PTPRD: variants seen among roughly 807,000 people sequenced by gnomAD.
The protein encoded by PTPRD is receptor-type tyrosine-protein phosphatase delta.
In PTPRD, 34 loss-of-function variants were observed where a neutral mutation model predicts 214.5. That is an observed-to-expected ratio of 0.16 (90% CI 0.12 to 0.21). The LOEUF is 0.21. Ranked by LOEUF, PTPRD falls within the 10% of genes least tolerant of loss-of-function variation. PTPRD has a pLI of 1.00. For synonymous variants in PTPRD, 1,128 were observed against 845.7 expected (o/e 1.33, Z -5.79); for missense variants, 2,545 against 2,398.7 (o/e 1.06, Z -1.27).
At position 8,886,256 on chromosome 9, in the gene PTPRD, T is replaced by C. The variant is rs188084289; in HGVS notation, c.-104+132441A>G. 5.3e-5 allele frequency among the ~76,000 whole-genome samples: 8 copies of C among 152,288 alleles called. No individual in the cohort carries two copies. The East Asian group carries it at 1.5e-3, about 29-fold the overall frequency. On this transcript the variant is annotated intron_variant, in intron 11 of 45. Transcript: ENST00000381196. ...AGTGTCATATAGACACAGGGATAAC[T>C]ACACATGAAAAGATATGCTTAATGG...
intron 2 of PTPRD, among the ~76,000 whole-genome samples, chr9:10,434,445 T>C (rs991485691): frequency 6.6e-6 from 1 of 151,928 alleles, no homozygotes; most frequent in African/African-American, 2.4e-5. Flanking sequence ...TAATTATCAT[T>C]GGTTTGCTTT....
chr9:10,534,631 TA>T (rs965050318), intron 2 of PTPRD, among the ~76,000 whole-genome samples: 36 of 152,278 alleles, frequency 2.4e-4, no homozygotes, highest in African/African-American at 8.4e-4. Flanking sequence ...AATTTTTGTT[TA>T]ATTCGTCCTT....
chr9:10,090,476 A>T (rs1452756135), intron 3 of PTPRD, among the ~76,000 whole-genome samples: 1 of 151,388 alleles, frequency 6.6e-6, no homozygotes, highest in African/African-American at 2.4e-5. Flanking sequence ...CCTCTGGGAA[A>T]AATAAAGCCA....
intron 8 of PTPRD, among the ~76,000 whole-genome samples, chr9:9,563,654 C>T (rs900575022): frequency 6.6e-6 from 1 of 152,104 alleles, no homozygotes; most frequent in African/African-American, 2.4e-5. Flanking sequence ...AAGGATTAAA[C>T]ATTATGTTAT....
intron 5 of PTPRD, among the ~76,000 whole-genome samples, chr9:9,803,384 T>C (rs2099053776): frequency 2.6e-5 from 4 of 152,016 alleles, no homozygotes; most frequent in Admixed American, 2.6e-4. Context: ...GAAGAAACTA[T>C]TTTTTCATTA....
At chr9:9,719,815 A>T (rs1461978331) in intron 7 of PTPRD, among the ~76,000 whole-genome samples, 6 of 152,104 alleles carry the variant, frequency 3.9e-5, no homozygotes, top group Non-Finnish European at 8.8e-5. Flanking sequence ...CATTCCCCTC[A>T]TCCGGACATT....
intron 9 of PTPRD, among the ~76,000 whole-genome samples, chr9:9,381,164 A>G (rs771120584): frequency 2.0e-5 from 3 of 151,942 alleles, no homozygotes; most frequent in African/African-American, 7.2e-5. Flanking sequence ...TAATTTGTGC[A>G]CTTAGACCAT....
chr9:9,254,393 T>C (rs771715142), intron 9 of PTPRD, among the ~76,000 whole-genome samples: 11 of 152,082 alleles, frequency 7.2e-5, no homozygotes, highest in African/African-American at 1.2e-4. Context: ...TAGAAGTAAA[T>C]TTATTTCAGT....
chr9:9,779,348 A>G (rs1169549717), intron 5 of PTPRD, among the ~76,000 whole-genome samples: 2 of 152,086 alleles, frequency 1.3e-5, no homozygotes, highest in Admixed American at 6.6e-5. Flanking sequence ...ACAAAAACTG[A>G]TAAGTGGCAT....
At chr9:9,752,235 T>A (rs1353637657) in intron 6 of PTPRD, among the ~76,000 whole-genome samples, 1 of 152,064 alleles carries the variant, frequency 6.6e-6, no homozygotes, top group East Asian at 1.9e-4. Context: ...TTGGCCCCTA[T>A]TAGCACAAGT....
chr9:10,294,714 T>G (rs188501598), intron 3 of PTPRD, among the ~76,000 whole-genome samples: 417 of 152,084 alleles, frequency 2.7e-3, no homozygotes, highest in African/African-American at 9.5e-3. Context: ...AGAGGTAAAT[T>G]ATGTAGCTAG....
intron 5 of PTPRD, among the ~76,000 whole-genome samples, chr9:9,848,076 T>C (rs1046924601): frequency 2.0e-5 from 3 of 152,104 alleles, no homozygotes; most frequent in African/African-American, 7.2e-5. Context: ...AGATGCCAAA[T>C]TGAGAGCACT....
rs192438013 is a variant in PTPRD at position 9,761,341 on chromosome 9, T to C, written c.-326+5469A>G. Among the ~76,000 whole-genome samples, 119 of 152,288 alleles carry C rather than the reference T, an allele frequency of 7.8e-4. 6 individuals are homozygous for C. The East Asian group carries it at 0.016, about 20-fold the overall frequency. On this transcript the variant is annotated intron_variant, in intron 6 of 45. Transcript: ENST00000381196. ...GTTTAAAATGACAACATTTTAGAAATGGAAGACAGAGTAGTGTTGCCAGGA... is the reference window on the plus strand; with the variant it reads ...GTTTAAAATGACAACATTTTAGAAACGGAAGACAGAGTAGTGTTGCCAGGA...
At chr9:9,939,840 A>T (rs1355588338) in intron 4 of PTPRD, among the ~76,000 whole-genome samples, 1 of 152,134 alleles carries the variant, frequency 6.6e-6, no homozygotes, top group Non-Finnish European at 1.5e-5. Flanking sequence ...GCTTAATGTA[A>T]ATCAAACCTT....
chr9:10,497,517 T>C (rs2042417254), intron 2 of PTPRD, among the ~76,000 whole-genome samples: 1 of 152,056 alleles, frequency 6.6e-6, no homozygotes, highest in Non-Finnish European at 1.5e-5. Flanking sequence ...CAGACATATA[T>C]AAATGTAGTT....
At chr9:10,361,550 TG>T (rs2097392797) in intron 2 of PTPRD, among the ~76,000 whole-genome samples, 1 of 152,128 alleles carries the variant, frequency 6.6e-6, no homozygotes, top group Non-Finnish European at 1.5e-5. Context: ...TATACAGTTG[TG>T]TCTACTATAC....
intron 10 of PTPRD, among the ~76,000 whole-genome samples, chr9:9,032,703 G>T (rs1208593542): frequency 6.6e-6 from 1 of 152,046 alleles, no homozygotes; most frequent in Non-Finnish European, 1.5e-5. Context: ...GTTCAGACAA[G>T]GTTTGCATCC....
Position 9,766,038 on chromosome 9 carries a change from G to T in PTPRD, c.-326+772C>A, listed in dbSNP as rs546311098. ...TTTAGAGAAGCCGTGATAATTAATA[G>T]CTCCTGTATGTGATATTTATTTTGT... On this transcript the variant is annotated intron_variant, in intron 6 of 45. Transcript: ENST00000381196. Among the ~76,000 whole-genome samples the T allele has an allele frequency of 5.3e-5, 8 of 152,272 alleles. No homozygotes were observed. In the East Asian group the frequency reaches 1.2e-3, roughly 22 times the overall value.
chr9:8,363,778 C>T (rs891904546), intron 39 of PTPRD, among the ~76,000 whole-genome samples: 1 of 152,148 alleles, frequency 6.6e-6, no homozygotes, highest in Non-Finnish European at 1.5e-5. Flanking sequence ...ACAGCCCCCA[C>T]CCCCAGCTAT....
Sources: gnomAD v4.1 joint callset for allele counts (sites outside exome capture counted in the v4.1 genomes callset) on GRCh38, gnomAD v4.1.1 for gene constraint, MANE v1.5 for transcripts, NCBI Gene and HGNC (gene_info 2026-07-23, HGNC 2026-07-21) for gene names.